The following DUOX1 variants were observed in gnomAD, a reference collection of about 807,000 sequenced individuals.
DUOX1 encodes dual oxidase 1, also known as NADPH thyroid oxidase 1.
A neutral mutation model predicts 181.8 loss-of-function variants in DUOX1; 134 were observed. That is an observed-to-expected ratio of 0.74 (90% confidence interval 0.64 to 0.85). DUOX1 has a LOEUF of 0.85. Ranked by LOEUF, DUOX1 falls within the 40% of genes least tolerant of loss-of-function variation. DUOX1 has a pLI of 0.00. For synonymous variants in DUOX1, 798 were observed against 832.5 expected (o/e 0.96, Z 0.71); for missense variants, 1,814 against 2,064.4 (o/e 0.88, Z 2.35).
intron 28 of DUOX1, among the ~76,000 whole-genome samples, chr15:45,156,263 C>T (rs531328391): frequency 3.3e-5 from 5 of 152,244 alleles, no homozygotes; most frequent in African/African-American, 1.2e-4. Context: ...GGGTGGACTA[C>T]CTGCACCCAA....
intron 18 of DUOX1, among the ~76,000 whole-genome samples, chr15:45,146,602 C>T (rs537220305): frequency 3.4e-4 from 51 of 152,178 alleles, no homozygotes; most frequent in Non-Finnish European, 6.8e-4. Flanking sequence ...GAAATGAATT[C>T]CAGGCAACCG....
chr15:45,148,034 G>A (rs1896700446), intron 20 of DUOX1, 37 bp downstream of exon 20: 2 of 1,576,282 alleles, frequency 1.3e-6, no homozygotes, highest in Admixed American at 1.7e-5. Context: ...ATGGGCCAGG[G>A]CAGGGATGCC....
chr15:45,151,868 T>TC lies in DUOX1; in HGVS notation c.3015-3dup. 1 of 1,609,490 alleles carries TC rather than the reference T, an allele frequency of 6.2e-7. No homozygotes were observed. Among genetic ancestry groups the TC allele is most frequent in the African/African-American group, 1.3e-5 (1 of 74,688 alleles). The stretch of plus-strand genomic sequence containing the variant: ...GTGCCAAAGGCTAAGGCTTCCTGTC[T>TC]CCCAGGGTAACGTCATTCCAGCCCT... On this transcript the variant is annotated splice_polypyrimidine_tract_variant and splice_region_variant and intron_variant, in intron 23 of 33. Coordinates refer to ENST00000389037, the MANE Select transcript of DUOX1 (RefSeq NM_175940.3).
At chr15:45,137,454 C>T (rs140035960) in intron 9 of DUOX1, among the ~76,000 whole-genome samples, 2 of 145,848 alleles carry the variant, frequency 1.4e-5, no homozygotes, top group South Asian at 2.3e-4. Flanking sequence ...TATATTTTTA[C>T]AATTGCTTTA....
Position 45,134,286 on chromosome 15 carries a change from G to C in DUOX1, c.284G>C (p.Arg95Pro). Reference sequence around the variant, plus strand: ...GCAGGGCTGGCCTCCCTGAGAAACCGCACAGTGTTGGGGGTCTTCTTTGGT... The same window carrying C: ...GCAGGGCTGGCCTCCCTGAGAAACCCCACAGTGTTGGGGGTCTTCTTTGGT... ...GPAGLASLRN[R>P]TVLGVFFGYH... is the part of the protein sequence containing the mutation. Residue 95 changes from arginine (R) to proline (P), a missense_variant, in exon 4 of 34, where the codon CGC (arginine) becomes CCC (proline). By Grantham distance (103) the Arg-to-Pro change is moderately radical (BLOSUM62 -2). This residue lies in a region of DUOX1 where 320 missense variants were observed against 313.1 expected (regional missense o/e 1.02). Transcript: ENST00000389037. 1 of 1,603,366 alleles carries C rather than the reference G, an allele frequency of 6.2e-7. No homozygotes were observed. The highest frequency in any genetic ancestry group is 8.5e-7 in the Non-Finnish European group (1 of 1,176,276).
intron 19 of DUOX1, 116 bp from the exon 20 acceptor site, chr15:45,147,788 C>A: frequency 6.6e-7 from 1 of 1,523,400 alleles, no homozygotes; most frequent in Non-Finnish European, 9.1e-7. Context: ...GGAAGCAGAG[C>A]GACCCTTGCT....
intron 33 of DUOX1, 63 bp downstream of exon 33, chr15:45,163,981 C>A: frequency 6.3e-7 from 1 of 1,577,128 alleles, no homozygotes; most frequent in Non-Finnish European, 8.6e-7. Flanking sequence ...GCAAAGCTCC[C>A]AAACCTTCCC....
chr15:45,130,942 C>A (rs1896115358), intron 1 of DUOX1, among the ~76,000 whole-genome samples: 1 of 152,346 alleles, frequency 6.6e-6, no homozygotes, highest in South Asian at 2.1e-4. Flanking sequence ...AAGGCCAGCA[C>A]CTGGACAGAC....
chr15:45,152,471 G>A lies in DUOX1; in HGVS notation c.3379G>A (p.Val1127Met), dbSNP rs1355150599. The A allele has an allele frequency of 6.2e-6, 10 of 1,614,142 alleles. No individual in the cohort carries two copies. The highest frequency in any genetic ancestry group is 2.7e-5 in the African/African-American group (2 of 75,050). Residue 1127 changes from valine (V) to methionine (M), a missense_variant, in exon 25 of 34, where the codon GTG becomes ATG. Coordinates refer to ENST00000389037, the MANE Select transcript of DUOX1 (RefSeq NM_175940.3). ...CCGCTACGTGCCCTTCGACGCCGCC[G>A]TGGACTTCCATCGCCTCATTGCCTC... The part of the protein sequence containing the change: ...LNRYVPFDAA[V>M]DFHRLIASTA...
intron 27 of DUOX1, chr15:45,155,596 T>C (rs1256932985): frequency 1.8e-6 from 1 of 557,692 alleles, no homozygotes; most frequent in Non-Finnish European, 2.9e-6. Context: ...AAAATCATGG[T>C]GACAAGGGCT....
At chr15:45,145,129 C>T (rs748976985) in intron 18 of DUOX1, 49 bp downstream of exon 18, 48 of 1,492,862 alleles carry the variant, frequency 3.2e-5, no homozygotes, top group Non-Finnish European at 4.2e-5. Flanking sequence ...GGTGTCCTTA[C>T]CTGCATGAGG....
chr15:45,155,930 G>T lies in DUOX1; in HGVS notation c.3702+1G>T. 6.2e-7 allele frequency: 1 copy of T among 1,614,138 alleles called. No individual in the cohort carries two copies. The highest frequency in any genetic ancestry group is 8.5e-7 in the Non-Finnish European group (1 of 1,180,022). On this transcript the variant is annotated splice_donor_variant, in intron 28 of 33. Transcript: ENST00000389037. LOFTEE classifies it high-confidence loss of function. ...CCTCTACATCCTGCTCTATGTCCTG[G>T]TGAGGGCTTTTGGCTGTGAGCCAGG...
intron 27 of DUOX1, chr15:45,155,455 A>G (rs904674401): frequency 1.7e-5 from 4 of 240,464 alleles, no homozygotes; most frequent in East Asian, 2.2e-4. Flanking sequence ...AGTTCCAGCT[A>G]CTCAGGAGGC....
At chr15:45,146,889 C>T (rs147581515) in intron 18 of DUOX1, among the ~76,000 whole-genome samples, 127 of 152,322 alleles carry the variant, frequency 8.3e-4, no homozygotes, top group African/African-American at 3.0e-3. Flanking sequence ...ATGAGAATTC[C>T]CCTTTCTCAA....
At chr15:45,134,350 G>A (rs570184980) in intron 4 of DUOX1, 41 bp downstream of exon 4, 34 of 1,554,782 alleles carry the variant, frequency 2.2e-5, no homozygotes, top group East Asian at 1.6e-4. Flanking sequence ...CGGTGGGGTC[G>A]GCTGGACACC....
At chr15:45,155,700 T>C (rs1896953446) in intron 27 of DUOX1, 102 bp from the exon 28 acceptor site, 4 of 1,547,328 alleles carry the variant, frequency 2.6e-6, no homozygotes, top group Non-Finnish European at 2.6e-6. Context: ...ACATTCTTAC[T>C]CCAACTTGGG....
rs564683577 is a variant in DUOX1 at position 45,141,323 on chromosome 15, C to T, written c.1597C>T (p.Arg533Ter). Residue 533 changes from arginine to a stop codon, truncating the protein, a stop_gained, in exon 14 of 34, where the codon CGA (arginine) becomes TGA (stop). Transcript: ENST00000389037. LOFTEE classifies it high-confidence loss of function. Reference sequence around the variant, plus strand: ...CTCCAAGAAGGAGATTGAAGAAATCCGAAATACCACCCTGCAGGACGTGCT... The same window carrying T: ...CTCCAAGAAGGAGATTGAAGAAATCTGAAATACCACCCTGCAGGACGTGCT... ...LFSKKEIEEIRNTTLQDVLVA... is the reference protein window; with the variant it reads ...LFSKKEIEEI The T allele has an allele frequency of 1.5e-5, 24 of 1,614,212 alleles. No homozygotes were observed. The highest frequency in any genetic ancestry group is 6.6e-5 in the South Asian group (6 of 91,086).
chr15:45,133,881 T>C lies in DUOX1; in HGVS notation c.76T>C (p.Ser26Pro). Residue 26 changes from serine (S) to proline (P), a missense_variant, in exon 3 of 34, where the codon TCG becomes CCG. Transcript: ENST00000389037. ...WTPLGAQNPI[S>P]WEVQRFDGWY... is the part of the protein sequence containing the mutation. ...TCACACAGGAGCTCAGAACCCCATT[T>C]CGTGGGAGGTGCAGCGATTTGATGG... 6.2e-7 allele frequency: 1 copy of C among 1,613,806 alleles called. No individual in the cohort carries two copies. Among genetic ancestry groups the C allele is most frequent in the Non-Finnish European group, 8.5e-7 (1 of 1,179,924 alleles).
chr15:45,147,808 AG>A, intron 19 of DUOX1, 95 bp from the exon 20 acceptor site: 1 of 1,508,592 alleles, frequency 6.6e-7, no homozygotes, highest in Admixed American at 1.7e-5. Flanking sequence ...TGTGTCCAGA[AG>A]TGGGTCATCA....
Sources: gnomAD v4.1 joint callset for allele counts (sites outside exome capture counted in the v4.1 genomes callset) on GRCh38, gnomAD v4.1.1 for gene constraint, gnomAD v4.1.1 regional missense constraint, MANE v1.5 for transcripts, NCBI Gene and HGNC (gene_info 2026-07-23, HGNC 2026-07-21) for gene names.